The following SUPT3H variants were observed in gnomAD, a reference collection of about 807,000 sequenced individuals.
SUPT3H encodes the protein SPT3 homolog, SAGA and STAGA complex component, also known as transcription initiation protein SPT3 homolog.
Under a neutral mutation model 44.3 loss-of-function variants are expected in SUPT3H, and 44 were observed. That is an observed-to-expected ratio of 0.99 (90% CI 0.78 to 1.28). SUPT3H has a LOEUF of 1.28. Ranked by LOEUF, SUPT3H falls within the 50% of genes most tolerant of loss-of-function variation. The pLI is 0.00. For synonymous variants in SUPT3H, 124 were observed against 125.6 expected, an observed-to-expected ratio of 0.99 and a Z score of 0.09; for missense variants, 380 against 387.1, an observed-to-expected ratio of 0.98 and a Z score of 0.15.
chr6:45,188,770 C>T (rs575825040), intron 2 of SUPT3H, among the ~76,000 whole-genome samples: 1 of 152,056 alleles, frequency 6.6e-6, no homozygotes, highest in African/African-American at 2.4e-5. Context: ...AATGCTGGTT[C>T]TCACCTCTAC....
intron 10 of SUPT3H, among the ~76,000 whole-genome samples, chr6:44,915,432 T>A (rs536696504): frequency 1.3e-5 from 2 of 152,274 alleles, no homozygotes; most frequent in East Asian, 3.9e-4. Context: ...CTAGTTACCA[T>A]AAACCAAAAG....
At chr6:44,888,156 AAGGAT>A (rs928819409) in intron 10 of SUPT3H, among the ~76,000 whole-genome samples, 10 of 152,212 alleles carry the variant, frequency 6.6e-5, no homozygotes, top group African/African-American at 1.9e-4. Flanking sequence ...CCAGGACCAG[AAGGAT>A]TCACAGCCGA....
chr6:44,870,194 C>T lies in SUPT3H; in HGVS notation c.913-40337G>A, dbSNP rs138739320. On this transcript the variant is annotated intron_variant, in intron 10 of 10. Transcript: ENST00000371459. ...TTATAAACAGCTTCTACCAATGGAACAGTGCCTCTTTCCTCACAAAACAGC... is the reference window on the plus strand; with the variant it reads ...TTATAAACAGCTTCTACCAATGGAATAGTGCCTCTTTCCTCACAAAACAGC... Among the ~76,000 whole-genome samples the T allele has an allele frequency of 6.7e-3, 1,020 of 152,302 alleles. 10 individuals carry two copies. The highest frequency in any genetic ancestry group is 8.4e-3 in the Non-Finnish European group (573 of 68,026).
chr6:45,289,598 A>T (rs1276601414), intron 2 of SUPT3H, among the ~76,000 whole-genome samples: 1 of 152,186 alleles, frequency 6.6e-6, no homozygotes, highest in Non-Finnish European at 1.5e-5. Context: ...ATATCATCTG[A>T]ATAACTTGAG....
intron 3 of SUPT3H, among the ~76,000 whole-genome samples, chr6:45,051,696 T>A (rs1181416500): frequency 6.6e-6 from 1 of 152,190 alleles, no homozygotes; most frequent in Non-Finnish European, 1.5e-5. Context: ...GAGCAGAATT[T>A]AACCAGTGTT....
rs116402103 is a variant in SUPT3H at position 45,316,151 on chromosome 6, C to T, written c.101+49050G>A. On this transcript the variant is annotated intron_variant, in intron 2 of 10. Transcript: ENST00000371459. ...AGGACACAAAGGCGTAACAATGATA[C>T]AATGGACTTTGGAGACTTGGGGAGA... is the stretch of plus-strand genomic sequence containing the variant. 2.2e-3 allele frequency among the ~76,000 whole-genome samples: 331 copies of T among 152,158 alleles called. 1 individual carries two copies. Among genetic ancestry groups the T allele is most frequent in the African/African-American group, 7.4e-3 (308 of 41,492 alleles).
intron 3 of SUPT3H, among the ~76,000 whole-genome samples, chr6:45,060,351 A>C (rs1022249866): frequency 6.6e-6 from 1 of 152,188 alleles, no homozygotes; most frequent in Non-Finnish European, 1.5e-5. Context: ...AATGGGGAAA[A>C]GATTCCCTAT....
rs115374218 is a variant in SUPT3H, at chr6:45,148,233, T to C, written c.102-42227A>G. 5.7e-3 allele frequency among the ~76,000 whole-genome samples: 864 copies of C among 152,306 alleles called. 6 individuals are homozygous for C. Among genetic ancestry groups the C allele is most frequent in the Non-Finnish European group, 9.6e-3 (656 of 68,028 alleles). The stretch of plus-strand genomic sequence containing the variant: ...TTTTTAACAAACATATACCATATTC[T>C]ATTTTAAACTTGTATGTATACATTC... On this transcript the variant is annotated intron_variant, in intron 2 of 10. Coordinates refer to ENST00000371459, the MANE Select transcript of SUPT3H (RefSeq NM_003599.4).
chr6:45,220,585 A>G (rs373804466), intron 2 of SUPT3H, among the ~76,000 whole-genome samples: 2 of 152,262 alleles, frequency 1.3e-5, no homozygotes, highest in African/African-American at 2.4e-5. Context: ...GTACACCACC[A>G]TAAGAAAAAG....
intron 2 of SUPT3H, among the ~76,000 whole-genome samples, chr6:45,238,499 T>A (rs1037386215): frequency 6.6e-6 from 1 of 152,224 alleles, no homozygotes; most frequent in African/African-American, 2.4e-5. Context: ...CCCTTGGCAA[T>A]TAACAAAGGA....
chr6:44,945,719 A>G (rs1164620558), intron 9 of SUPT3H, among the ~76,000 whole-genome samples: 1 of 152,192 alleles, frequency 6.6e-6, no homozygotes, highest in East Asian at 1.9e-4. Flanking sequence ...CTGGTTCATA[A>G]GATTTAGGAA....
chr6:44,921,757 A>G (rs932531452), intron 10 of SUPT3H, among the ~76,000 whole-genome samples: 6 of 152,216 alleles, frequency 3.9e-5, no homozygotes, highest in African/African-American at 1.4e-4. Flanking sequence ...TAACGTCTCT[A>G]CTGGAAACTG....
chr6:44,887,300 A>G (rs985781321), intron 10 of SUPT3H, among the ~76,000 whole-genome samples: 1 of 152,160 alleles, frequency 6.6e-6, no homozygotes, highest in Non-Finnish European at 1.5e-5. Flanking sequence ...CCCACTGCAA[A>G]TCAACAGAAT....
intron 10 of SUPT3H, among the ~76,000 whole-genome samples, chr6:44,908,303 C>G (rs958147233): frequency 1.3e-5 from 2 of 151,906 alleles, no homozygotes; most frequent in Non-Finnish European, 2.9e-5. Context: ...AGGCGCCCAC[C>G]ACCATGCCCA....
chr6:45,260,058 A>G (rs954771967), intron 2 of SUPT3H, among the ~76,000 whole-genome samples: 1 of 152,196 alleles, frequency 6.6e-6, no homozygotes, highest in African/African-American at 2.4e-5. Context: ...ATCGAAGTCT[A>G]AAATACCTCT....
chr6:45,093,425 T>C (rs1797395089), intron 3 of SUPT3H, among the ~76,000 whole-genome samples: 1 of 152,086 alleles, frequency 6.6e-6, no homozygotes, highest in Non-Finnish European at 1.5e-5. Flanking sequence ...CTGCAGAAAC[T>C]TAACACTAAT....
chr6:45,196,597 T>C (rs1816071123), intron 2 of SUPT3H, among the ~76,000 whole-genome samples: 1 of 152,048 alleles, frequency 6.6e-6, no homozygotes, highest in Non-Finnish European at 1.5e-5. Context: ...CACAGTTTCT[T>C]TGGTTATGTT....
intron 6 of SUPT3H, among the ~76,000 whole-genome samples, chr6:44,979,005 T>G (rs1428496036): frequency 6.6e-6 from 1 of 152,254 alleles, no homozygotes; most frequent in Non-Finnish European, 1.5e-5. Context: ...TCTTTTCTAT[T>G]GGTGCCTTTT....
intron 3 of SUPT3H, among the ~76,000 whole-genome samples, chr6:45,094,412 G>C (rs1797529567): frequency 6.6e-6 from 1 of 152,078 alleles, no homozygotes; most frequent in Non-Finnish European, 1.5e-5. Flanking sequence ...GTAATTTACT[G>C]GAAGTGAAAA....
Sources: allele counts gnomAD v4.1 joint callset (sites outside exome capture counted in the v4.1 genomes callset), GRCh38; gene constraint gnomAD v4.1.1; transcripts MANE v1.5; gene names NCBI Gene and HGNC (gene_info 2026-07-23, HGNC 2026-07-21).